Variants in IGSF5 observed in about 807,000 individuals in gnomAD.
The protein encoded by IGSF5 is immunoglobulin superfamily 5 like.
IGSF5 carries 41 observed loss-of-function variants against 39.4 expected under a neutral mutation model. The observed-to-expected ratio is 1.04, with a 90% CI of 0.81 to 1.35. The LOEUF (loss-of-function observed/expected upper bound fraction) is 1.35, where lower values mean the gene tolerates loss of function less well. IGSF5 is among the 40% of genes most tolerant of loss of function. The probability of loss-of-function intolerance (pLI) is 0.00; values close to 1 mark genes in which losing one functional copy is unlikely to be tolerated. For missense variants in IGSF5, 487 were observed against 494.6 expected (o/e 0.98, Z 0.15); for synonymous variants, 183 against 175.3 (o/e 1.04, Z -0.34).
intron 8 of IGSF5, among the ~76,000 whole-genome samples, chr21:39,800,016 C>T (rs2087020107): frequency 6.6e-6 from 1 of 152,022 alleles, no homozygotes; most frequent in African/African-American, 2.4e-5. Flanking sequence ...CAAGAGTTTC[C>T]CTGTTGGTGA....
At chr21:39,780,475 G>A (rs1024027432) in intron 5 of IGSF5, among the ~76,000 whole-genome samples, 1 of 152,078 alleles carries the variant, frequency 6.6e-6, no homozygotes, top group Non-Finnish European at 1.5e-5. Flanking sequence ...TCATTTAGAT[G>A]CTATGGTTTT....
upstream of IGSF5, among the ~76,000 whole-genome samples, chr21:39,743,069 C>A (rs1406050872): frequency 1.3e-5 from 2 of 152,182 alleles, no homozygotes; most frequent in African/African-American, 2.4e-5. Flanking sequence ...TAGTGTACAT[C>A]ATTGAATAAT....
intron 2 of IGSF5, among the ~76,000 whole-genome samples, chr21:39,749,212 GGTT>G (rs1386361244): frequency 7.8e-5 from 6 of 77,282 alleles, no homozygotes; most frequent in African/African-American, 2.2e-4. Context: ...AAGACAAATA[GGTT>G]TTTTTTTTTT....
intron 5 of IGSF5, among the ~76,000 whole-genome samples, chr21:39,784,354 T>A (rs754701320): frequency 9.9e-5 from 15 of 152,210 alleles, no homozygotes; most frequent in Non-Finnish European, 2.1e-4. Flanking sequence ...TGGTTATTTG[T>A]ACATCCTGGT....
intron 5 of IGSF5, among the ~76,000 whole-genome samples, chr21:39,786,994 A>G (rs2086925692): frequency 6.6e-6 from 1 of 152,142 alleles, no homozygotes; most frequent in Non-Finnish European, 1.5e-5. Flanking sequence ...GCACTGGGAG[A>G]TATACCTATT....
intron 6 of IGSF5, among the ~76,000 whole-genome samples, chr21:39,790,101 C>T (rs2086954748): frequency 6.6e-6 from 1 of 152,098 alleles, no homozygotes; most frequent in African/African-American, 2.4e-5. Flanking sequence ...TTGCTGCCTA[C>T]CCCTCCTCCC....
intron 2 of IGSF5, among the ~76,000 whole-genome samples, chr21:39,760,907 GT>G (rs1030919815): frequency 2.8e-4 from 43 of 152,202 alleles, no homozygotes; most frequent in African/African-American, 1.0e-3. Flanking sequence ...AGGATTATCT[GT>G]TTTTATCCTA....
intron 2 of IGSF5, among the ~76,000 whole-genome samples, chr21:39,757,236 C>T (rs2080035661): frequency 6.7e-6 from 1 of 150,286 alleles, no homozygotes; most frequent in Admixed American, 6.7e-5. Flanking sequence ...CCTATTGCCA[C>T]CTTCTAATAG....
the IGSF5 span, among the ~76,000 whole-genome samples, chr21:39,715,116 T>C: frequency 1.3e-5 from 2 of 152,060 alleles, no homozygotes; most frequent in Non-Finnish European, 2.9e-5. Flanking sequence ...TTCCTTTCTT[T>C]CTTTTCTTTT....
chr21:39,769,606 A>G (rs2080104289), intron 3 of IGSF5, among the ~76,000 whole-genome samples: 1 of 152,104 alleles, frequency 6.6e-6, no homozygotes, highest in African/African-American at 2.4e-5. Flanking sequence ...TTTTCTTTAC[A>G]TCCTTCAAAC....
intron 6 of IGSF5, among the ~76,000 whole-genome samples, chr21:39,789,091 G>A (rs2086944551): frequency 6.6e-6 from 1 of 152,140 alleles, no homozygotes; most frequent in African/African-American, 2.4e-5. Flanking sequence ...CAAGGGAAGA[G>A]GAAGAAAAAT....
At position 39,779,252 on chromosome 21, in the gene IGSF5, G is replaced by T; in HGVS notation, c.881G>T (p.Cys294Phe). Residue 294 changes from cysteine (C) to phenylalanine (F), a missense_variant, in exon 5 of 9, where the codon TGT becomes TTT. Cys to Phe is a radical substitution (Grantham distance 205). Coordinates refer to ENST00000380588, the MANE Select transcript of IGSF5 (RefSeq NM_001080444.2). Reference protein sequence around the residue: ...TIRCCCCRRRCCGCNCCCRCC... With the variant: ...TIRCCCCRRRFCGCNCCCRCC... ...CGCTGCTGCTGCTGCCGCCGTCGTT[G>T]TTGTGGCTGCAACTGCTGCTGCCGT... The T allele has an allele frequency of 6.2e-7, 1 of 1,613,614 alleles. No individual in the cohort carries two copies. Among genetic ancestry groups the T allele is most frequent in the Non-Finnish European group, 8.5e-7 (1 of 1,179,664 alleles).
At chr21:39,764,012 A>G (rs996686224) in intron 2 of IGSF5, among the ~76,000 whole-genome samples, 1 of 152,134 alleles carries the variant, frequency 6.6e-6, no homozygotes, top group African/African-American at 2.4e-5. Flanking sequence ...AATGATGTCC[A>G]GGGACAAAAC....
Position 39,801,689 on chromosome 21 carries a change from CATG to C in IGSF5, c.*333_*335del, listed in dbSNP as rs2146299006. Reference sequence around the variant, plus strand: ...TGGTAGATAAAAGTCTGTATTCTACCATGCCTTTCAAAAGTTTTTATTATCTGA... The same window carrying C: ...TGGTAGATAAAAGTCTGTATTCTACCCCTTTCAAAAGTTTTTATTATCTGA... On this transcript the variant is annotated 3_prime_UTR_variant, in exon 9 of 9. Coordinates refer to ENST00000380588, the MANE Select transcript of IGSF5 (RefSeq NM_001080444.2). 1 of 190,962 alleles carries C rather than the reference CATG, an allele frequency of 5.2e-6. No individual in the cohort carries two copies. The highest frequency in any genetic ancestry group is 2.3e-5 in the African/African-American group (1 of 43,140). 11.8% of individuals were successfully genotyped at this position (190,962 alleles called of 1,614,324 possible).
chr21:39,719,739 A>G, the IGSF5 span, among the ~76,000 whole-genome samples: 1 of 152,212 alleles, frequency 6.6e-6, no homozygotes, highest in Non-Finnish European at 1.5e-5. Context: ...TCCTACAGGT[A>G]TTACATGTAG....
chr21:39,786,959 G>A (rs1601139437), intron 5 of IGSF5, among the ~76,000 whole-genome samples: 3 of 152,256 alleles, frequency 2.0e-5, no homozygotes, highest in South Asian at 2.1e-4. Flanking sequence ...GGACTGTTGT[G>A]GGGTAGGGGG....
chr21:39,718,516 A>C, the IGSF5 span, among the ~76,000 whole-genome samples: 1 of 152,174 alleles, frequency 6.6e-6, no homozygotes, highest in Non-Finnish European at 1.5e-5. Context: ...ATTTTGAGGT[A>C]TATTCCTTCA....
chr21:39,768,561 C>T (rs1392871439), intron 3 of IGSF5, among the ~76,000 whole-genome samples: 2 of 152,212 alleles, frequency 1.3e-5, no homozygotes, highest in Non-Finnish European at 2.9e-5. Context: ...ATCAATCACA[C>T]ACCAAACTCT....
chr21:39,719,731 C>T, the IGSF5 span, among the ~76,000 whole-genome samples: 1 of 152,192 alleles, frequency 6.6e-6, no homozygotes, highest in Non-Finnish European at 1.5e-5. Flanking sequence ...AAATATTTTC[C>T]TACAGGTATT....
Sources: gnomAD v4.1 joint callset for allele counts (sites outside exome capture counted in the v4.1 genomes callset) on GRCh38, gnomAD v4.1.1 for gene constraint, MANE v1.5 for transcripts, NCBI Gene and HGNC (gene_info 2026-07-23, HGNC 2026-07-21) for gene names.